Variants in EYS observed in about 807,000 individuals in gnomAD.
EYS encodes EGF-like photoreceptor maintenance factor.
A neutral mutation model predicts 282.1 loss-of-function variants in EYS; 250 were observed. The ratio of observed to expected loss-of-function variants is 0.89; its 90% CI spans 0.80 to 0.98. The LOEUF (loss-of-function observed/expected upper bound fraction) is 0.98. EYS is among the 50% of genes least tolerant of loss of function. The probability of loss-of-function intolerance (pLI) is 0.00; values close to 1 mark genes in which losing one functional copy is unlikely to be tolerated. For synonymous variants in EYS, 1,355 were observed against 1,282.9 expected (o/e 1.06, Z -1.20); for missense variants, 4,016 against 3,709.0 (o/e 1.08, Z -2.15).
At chr6:64,892,084 GAAGA>G (rs1330004961) in intron 18 of EYS, among the ~76,000 whole-genome samples, 2 of 151,734 alleles carry the variant, frequency 1.3e-5, no homozygotes, top group African/African-American at 4.8e-5. Context: ...TAGAGATAAG[GAAGA>G]GTAACTATAA....
intron 28 of EYS, among the ~76,000 whole-genome samples, chr6:64,415,931 T>C (rs1402890596): frequency 6.6e-6 from 1 of 152,224 alleles, no homozygotes; most frequent in Admixed American, 6.5e-5. Flanking sequence ...CTAAGCTTTA[T>C]AGAAACTATC....
chr6:64,284,583 G>T (rs1421274942), intron 30 of EYS, among the ~76,000 whole-genome samples: 1 of 152,090 alleles, frequency 6.6e-6, no homozygotes, highest in African/African-American at 2.4e-5. Context: ...ACTCTGTGTG[G>T]GGGCTCCAAC....
At chr6:65,201,276 G>A (rs1241660059) in intron 12 of EYS, among the ~76,000 whole-genome samples, 3 of 152,008 alleles carry the variant, frequency 2.0e-5, no homozygotes, top group South Asian at 4.1e-4. Context: ...ACAAATTATT[G>A]ACTTAGTATG....
intron 22 of EYS, among the ~76,000 whole-genome samples, chr6:64,746,489 G>A (rs572371954): frequency 5.3e-5 from 8 of 152,004 alleles, no homozygotes; most frequent in African/African-American, 1.7e-4. Flanking sequence ...TGTGGTAGTC[G>A]GTTACAGCGT....
At chr6:65,007,076 G>A (rs1380528677) in intron 13 of EYS, among the ~76,000 whole-genome samples, 4 of 152,200 alleles carry the variant, frequency 2.6e-5, no homozygotes, top group African/African-American at 9.7e-5. Context: ...CTAGAATCCA[G>A]CATCCTGGAT....
At chr6:65,493,414 T>C (rs1766120490) in intron 4 of EYS, among the ~76,000 whole-genome samples, 1 of 152,226 alleles carries the variant, frequency 6.6e-6, no homozygotes, top group Non-Finnish European at 1.5e-5. Context: ...TCTGCTGTTT[T>C]CGTATACTAT....
At chr6:64,114,152 A>T (rs894249464) in intron 31 of EYS, among the ~76,000 whole-genome samples, 3 of 152,330 alleles carry the variant, frequency 2.0e-5, no homozygotes, top group African/African-American at 7.2e-5. Flanking sequence ...CAATATTATG[A>T]GCTAGATTTG....
chr6:64,808,624 G>A (rs1764506702), intron 22 of EYS, among the ~76,000 whole-genome samples: 1 of 151,592 alleles, frequency 6.6e-6, no homozygotes, highest in Non-Finnish European at 1.5e-5. Flanking sequence ...GGGTTTCTTG[G>A]TAATTTTTTT....
intron 20 of EYS, among the ~76,000 whole-genome samples, chr6:64,822,128 T>C (rs114325549): frequency 0.012 from 1,794 of 152,142 alleles, 35 homozygotes; most frequent in African/African-American, 0.04. Flanking sequence ...GATGCATCTG[T>C]GATGCATTCT....
intron 41 of EYS, chr6:63,744,445 G>C (rs1201015444): frequency 6.6e-6 from 1 of 152,286 alleles, no homozygotes; most frequent in Admixed American, 6.5e-5. Flanking sequence ...AGCAGTATCT[G>C]CTCCTCAAAA....
Position 65,443,047 on chromosome 6 carries a change from CG to C in EYS, c.863-37681del, listed in dbSNP as rs972545274. ...ATACACACATATATACACAGACATACGGGAGCATGCATATATGTGATATGTA... is the reference window on the plus strand; with the variant it reads ...ATACACACATATATACACAGACATACGGAGCATGCATATATGTGATATGTA... On this transcript the variant is annotated intron_variant, in intron 5 of 42. Transcript: ENST00000503581. Among the ~76,000 whole-genome samples, 26 of 147,666 alleles carry C rather than the reference CG, an allele frequency of 1.8e-4. 3 individuals carry two copies. The highest frequency in any genetic ancestry group is 2.6e-4 in the Non-Finnish European group (17 of 66,150).
intron 2 of EYS, among the ~76,000 whole-genome samples, chr6:65,613,034 AC>A (rs1766057009): frequency 6.6e-6 from 1 of 151,756 alleles, no homozygotes; most frequent in Admixed American, 6.6e-5. Flanking sequence ...TTTTCTAACC[AC>A]CCCAGAAGTC....
At chr6:64,795,984 G>A (rs540421207) in intron 22 of EYS, among the ~76,000 whole-genome samples, 1 of 152,150 alleles carries the variant, frequency 6.6e-6, no homozygotes, top group Admixed American at 6.5e-5. Context: ...ACTTGCGTAC[G>A]TGGATGAGTC....
rs1269359073 is a variant in EYS at position 65,293,748 on chromosome 6, T to C, written c.2023+2115A>G. On this transcript the variant is annotated intron_variant, in intron 12 of 42. Transcript: ENST00000503581. ...AACGTGGGGCCAATAACTGGTGTTG[T>C]AACAAGACCTCCAGGTGATTCTACT... is the stretch of plus-strand genomic sequence containing the variant. 2.6e-5 allele frequency among the ~76,000 whole-genome samples: 4 copies of C among 151,960 alleles called. No individual in the cohort carries two copies. In the East Asian group the frequency reaches 5.8e-4, roughly 22 times the overall value.
intron 14 of EYS, among the ~76,000 whole-genome samples, chr6:64,989,333 A>C (rs1356478654): frequency 7.0e-6 from 1 of 142,146 alleles, no homozygotes; most frequent in African/African-American, 2.6e-5. Context: ...ATCATTCTCT[A>C]TCAGTTCAAA....
chr6:63,838,912 A>AT (rs1303320565), intron 36 of EYS, among the ~76,000 whole-genome samples: 4 of 151,840 alleles, frequency 2.6e-5, no homozygotes, highest in Admixed American at 6.6e-5. Flanking sequence ...ACAATACCCA[A>AT]TTTTTTCTTT....
chr6:63,926,327 TTAGC>T (rs1220649111), intron 35 of EYS, among the ~76,000 whole-genome samples: 1 of 152,252 alleles, frequency 6.6e-6, no homozygotes, highest in Non-Finnish European at 1.5e-5. Context: ...CTTTTTCTTC[TTAGC>T]TATAATGGTC....
chr6:64,787,359 TAA>T (rs1774055921), intron 22 of EYS, among the ~76,000 whole-genome samples: 2 of 152,328 alleles, frequency 1.3e-5, no homozygotes, highest in Middle Eastern at 6.8e-3. Context: ...ACATTTTTCC[TAA>T]AGTTTTGCAA....
At chr6:64,606,937 T>G (rs955365215) in intron 24 of EYS, among the ~76,000 whole-genome samples, 1 of 152,064 alleles carries the variant, frequency 6.6e-6, no homozygotes, top group Non-Finnish European at 1.5e-5. Context: ...CTGAGCTGCA[T>G]GGAGAGCAAC....
Sources: gnomAD v4.1 joint callset for allele counts (sites outside exome capture counted in the v4.1 genomes callset) on GRCh38, gnomAD v4.1.1 for gene constraint, MANE v1.5 for transcripts, NCBI Gene and HGNC (gene_info 2026-07-23, HGNC 2026-07-21) for gene names.